LRP1B: variants seen among roughly 807,000 people sequenced by gnomAD.
The protein encoded by LRP1B is LDL receptor related protein 1B, also known as low-density lipoprotein receptor-related protein 1B.
A neutral mutation model predicts 556.6 loss-of-function variants in LRP1B; 217 were observed. That is an observed-to-expected ratio of 0.39 (90% confidence interval 0.35 to 0.44). The LOEUF (loss-of-function observed/expected upper bound fraction) is 0.44, where lower values mean the gene tolerates loss of function less well. LRP1B is among the 20% of genes least tolerant of loss of function. The pLI is 1.00. For synonymous variants in LRP1B, 2,047 were observed against 1,865.8 expected (o/e 1.10, Z -2.50); for missense variants, 5,053 against 5,620.8 (o/e 0.90, Z 3.23).
chr2:141,246,984 AAAGGAAGGAAGG>A (rs772433945), intron 5 of LRP1B, among the ~76,000 whole-genome samples: 4 of 152,014 alleles, frequency 2.6e-5, no homozygotes, highest in Admixed American at 6.6e-5. Context: ...GAAAAAAAAG[AAAGGAAGGAAGG>A]AAGGAAGGAA....
chr2:140,746,894 C>T (rs774980833), intron 35 of LRP1B, among the ~76,000 whole-genome samples: 5 of 151,630 alleles, frequency 3.3e-5, no homozygotes, highest in African/African-American at 9.7e-5. Context: ...AAATCAAATG[C>T]GTACTACTTC....
intron 2 of LRP1B, among the ~76,000 whole-genome samples, chr2:141,647,938 A>AT (rs1689640883): frequency 6.6e-6 from 1 of 152,012 alleles, no homozygotes; most frequent in Non-Finnish European, 1.5e-5. Flanking sequence ...TAAGAAAAAA[A>AT]ATTTTTTAAT....
At position 141,325,776 on chromosome 2, in the gene LRP1B, AG is replaced by A. The variant is rs767050301; in HGVS notation, c.344-71136del. Reference sequence around the variant, plus strand: ...CTTTAAGGATTAGAATAATTTATAGAGGTGAAGAGATTAGAGACCCAAAAAG... The same window carrying A: ...CTTTAAGGATTAGAATAATTTATAGAGTGAAGAGATTAGAGACCCAAAAAG... On this transcript the variant is annotated intron_variant, in intron 3 of 90. Coordinates refer to ENST00000389484, the MANE Select transcript of LRP1B (RefSeq NM_018557.3). Among the ~76,000 whole-genome samples, 8 of 152,260 alleles carry A rather than the reference AG, an allele frequency of 5.3e-5. No homozygotes were observed. The East Asian group carries it at 1.5e-3, about 29-fold the overall frequency.
At chr2:141,890,257 G>A (rs1262298471) in intron 1 of LRP1B, among the ~76,000 whole-genome samples, 1 of 148,926 alleles carries the variant, frequency 6.7e-6, no homozygotes, top group African/African-American at 2.5e-5. Context: ...CAGCATTGTT[G>A]TCTACGTTGC....
chr2:142,058,117 C>T (rs947836615), intron 1 of LRP1B, among the ~76,000 whole-genome samples: 7 of 152,116 alleles, frequency 4.6e-5, no homozygotes, highest in African/African-American at 7.2e-5. Context: ...CTGTTATTAA[C>T]GTATAGAAAT....
intron 41 of LRP1B, among the ~76,000 whole-genome samples, chr2:140,657,968 G>A (rs1684952479): frequency 6.6e-6 from 1 of 151,894 alleles, no homozygotes; most frequent in African/African-American, 2.4e-5. Flanking sequence ...TGGGCCCAAG[G>A]ATTAACAGAA....
At chr2:141,624,769 T>A (rs536246401) in intron 2 of LRP1B, among the ~76,000 whole-genome samples, 39 of 152,292 alleles carry the variant, frequency 2.6e-4, no homozygotes, top group Non-Finnish European at 2.4e-4. Context: ...TATTTATTTA[T>A]TTTTTATTTT....
At chr2:141,896,176 A>T (rs1404614670) in intron 1 of LRP1B, among the ~76,000 whole-genome samples, 1 of 152,166 alleles carries the variant, frequency 6.6e-6, no homozygotes, top group African/African-American at 2.4e-5. Context: ...AGTTTTTCTC[A>T]AATGTGAATA....
chr2:141,674,698 T>C (rs1690808195), intron 2 of LRP1B, among the ~76,000 whole-genome samples: 1 of 152,012 alleles, frequency 6.6e-6, no homozygotes, highest in Non-Finnish European at 1.5e-5. Context: ...ATTTCAGCCT[T>C]ATAAAAGTGA....
chr2:141,466,412 T>A lies in LRP1B; in HGVS notation c.343+13984A>T, dbSNP rs565549525. Among the ~76,000 whole-genome samples, 28 of 152,334 alleles carry A rather than the reference T, an allele frequency of 1.8e-4. No individual in the cohort carries two copies. The South Asian group carries it at 5.8e-3, about 32-fold the overall frequency. On this transcript the variant is annotated intron_variant, in intron 3 of 90. Transcript: ENST00000389484. Reference sequence around the variant, plus strand: ...CATGTATAGCATGAAATGTTAGTTGTTATCAAATATCCATTATCTTCTTCT... The same window carrying A: ...CATGTATAGCATGAAATGTTAGTTGATATCAAATATCCATTATCTTCTTCT...
chr2:141,810,270 T>G lies in LRP1B; in HGVS notation c.205+9A>C, dbSNP rs200210740. ...TAAATCCGAATGGCATGAGAACCTT[T>G]CTACTCACAGGTATCTAAAGACTCG... On this transcript the variant is annotated intron_variant, in intron 2 of 90. Coordinates refer to ENST00000389484, the MANE Select transcript of LRP1B (RefSeq NM_018557.3). The G allele has an allele frequency of 1.2e-6, 2 of 1,612,436 alleles. No individual in the cohort carries two copies. The highest frequency in any genetic ancestry group is 1.7e-6 in the Non-Finnish European group (2 of 1,179,060).
intron 3 of LRP1B, among the ~76,000 whole-genome samples, chr2:141,472,017 A>T (rs181270658): frequency 6.6e-6 from 1 of 152,308 alleles, no homozygotes; most frequent in African/African-American, 2.4e-5. Flanking sequence ...CTGGGGAGAG[A>T]TTACTTGTCC....
intron 3 of LRP1B, among the ~76,000 whole-genome samples, chr2:141,330,994 G>T (rs576858915): frequency 2.8e-4 from 42 of 152,092 alleles, no homozygotes; most frequent in Non-Finnish European, 4.9e-4. Flanking sequence ...TCCTGACCTC[G>T]TGATCCGTCC....
At chr2:141,919,343 G>T (rs913994657) in intron 1 of LRP1B, among the ~76,000 whole-genome samples, 6 of 151,948 alleles carry the variant, frequency 3.9e-5, no homozygotes, top group Non-Finnish European at 7.4e-5. Context: ...ACAGGTCTTA[G>T]ATTTCACTTC....
At chr2:141,036,197 A>G (rs1698528236) in intron 11 of LRP1B, among the ~76,000 whole-genome samples, 2 of 152,094 alleles carry the variant, frequency 1.3e-5, no homozygotes, top group Admixed American at 6.6e-5. Context: ...ACTCTTTGTC[A>G]GAGCATGGGA....
chr2:141,585,466 T>TGA (rs796224813), intron 2 of LRP1B, among the ~76,000 whole-genome samples: 3,490 of 145,514 alleles, frequency 0.024, 126 homozygotes, highest in East Asian at 0.12. Context: ...TGTGTGTGTG[T>TGA]GTGATGGGGT....
chr2:142,003,074 T>C (rs1194973106), intron 1 of LRP1B, among the ~76,000 whole-genome samples: 1 of 152,220 alleles, frequency 6.6e-6, no homozygotes, highest in Non-Finnish European at 1.5e-5. Flanking sequence ...ATCATGCATA[T>C]TTATGCCAAC....
At chr2:141,333,958 T>C (rs2105500412) in intron 3 of LRP1B, among the ~76,000 whole-genome samples, 1 of 152,330 alleles carries the variant, frequency 6.6e-6, no homozygotes, top group African/African-American at 2.4e-5. Context: ...TTTAAAACCA[T>C]GGCCTCCATC....
At chr2:141,902,189 T>A (rs990535090) in intron 1 of LRP1B, among the ~76,000 whole-genome samples, 18 of 151,472 alleles carry the variant, frequency 1.2e-4, no homozygotes, top group Non-Finnish European at 2.1e-4. Context: ...ATAATAATAA[T>A]AAAAACTAAA....
Sources: allele counts gnomAD v4.1 joint callset (sites outside exome capture counted in the v4.1 genomes callset), GRCh38; gene constraint gnomAD v4.1.1; transcripts MANE v1.5; gene names NCBI Gene and HGNC (gene_info 2026-07-23, HGNC 2026-07-21).